Variants in TNS3 observed in about 807,000 individuals in gnomAD.
TNS3 encodes tensin-3.
Under a neutral mutation model 140.9 loss-of-function variants are expected in TNS3, and 45 were observed. That is an observed-to-expected ratio of 0.32 (90% CI 0.25 to 0.41). The LOEUF (loss-of-function observed/expected upper bound fraction) is 0.41. Ranked by LOEUF, TNS3 falls within the 10% of genes least tolerant of loss-of-function variation. TNS3 has a pLI of 1.00. For missense variants in TNS3, 1,716 were observed against 1,906.7 expected (o/e 0.90, Z 1.86); for synonymous variants, 815 against 788.4 (o/e 1.03, Z -0.56).
chr7:47,387,405 G>C (rs781336438), intron 16 of TNS3, among the ~76,000 whole-genome samples: 1 of 152,180 alleles, frequency 6.6e-6, no homozygotes, highest in African/African-American at 2.4e-5. Flanking sequence ...CACCAAGAAC[G>C]TCACTCTAAA....
chr7:47,452,853 A>AGAG (rs1796078243), intron 4 of TNS3: 2 of 909,180 alleles, frequency 2.2e-6, no homozygotes, highest in Non-Finnish European at 2.6e-6. Context: ...CGGAGGCCAC[A>AGAG]GAGGAGGGTG....
rs368950838 is a variant in TNS3, at chr7:47,476,420, C to G, written c.-76+4683G>C. ...AGGCTGTGACTCCCCTGTAAGGAGCCCGGCCACCTCTCCCAGCCTTAGGGA... is the reference window on the plus strand; with the variant it reads ...AGGCTGTGACTCCCCTGTAAGGAGCGCGGCCACCTCTCCCAGCCTTAGGGA... On this transcript the variant is annotated intron_variant, in intron 4 of 30. Transcript: ENST00000311160. 1.1e-3 allele frequency among the ~76,000 whole-genome samples: 160 copies of G among 152,294 alleles called. No individual in the cohort carries two copies. The South Asian group carries it at 0.024, about 23-fold the overall frequency.
chr7:47,501,115 G>A (rs1006952623), intron 3 of TNS3, among the ~76,000 whole-genome samples: 1 of 139,980 alleles, frequency 7.1e-6, no homozygotes, highest in African/African-American at 2.7e-5. Context: ...AAGGGAGAAA[G>A]GGAGAAGAGG....
chr7:47,412,421 C>G (rs1349886173), intron 12 of TNS3, among the ~76,000 whole-genome samples: 1 of 152,066 alleles, frequency 6.6e-6, no homozygotes, highest in Non-Finnish European at 1.5e-5. Flanking sequence ...GAGTTTGAGA[C>G]CAGCCTGGCT....
rs759061602 is a variant in TNS3 at position 47,345,009 on chromosome 7, G to A, written c.2481C>T (p.Leu827=). The change falls in exon 19 of 31, where the codon CTC becomes CTT. Residue 827 remains leucine (L), a synonymous_variant. Coordinates refer to ENST00000311160, the MANE Select transcript of TNS3 (RefSeq NM_022748.12). The part of the protein sequence containing the change: ...ETMTPGYPQD[L]DIIDGRILSS... ...TTAAAATTCTGCCATCGATAATATC[G>A]AGGTCCTGGGGATAGCCAGGGGTCA... 4.3e-6 allele frequency: 7 copies of A among 1,614,060 alleles called. No homozygotes were observed. The highest frequency in any genetic ancestry group is 3.3e-5 in the Admixed American group (2 of 60,014).
At chr7:47,359,363 G>C (rs1176534295) in intron 17 of TNS3, among the ~76,000 whole-genome samples, 2 of 152,208 alleles carry the variant, frequency 1.3e-5, no homozygotes, top group African/African-American at 4.8e-5. Context: ...GACAGGAGGG[G>C]ATGAGTGAGT....
intron 1 of TNS3, chr7:47,579,805 G>T: frequency 1.0e-6 from 1 of 983,616 alleles, no homozygotes; most frequent in South Asian, 4.7e-5. Flanking sequence ...TATAAGCTGC[G>T]ACTGCCAAAT....
chr7:47,546,001 TG>T (rs1799910019), intron 1 of TNS3, among the ~76,000 whole-genome samples: 2 of 152,098 alleles, frequency 1.3e-5, no homozygotes, highest in Non-Finnish European at 2.9e-5. Flanking sequence ...GATTTGTAGT[TG>T]GGTTAAGAAG....
chr7:47,539,528 C>T, intron 1 of TNS3: 1 of 246,144 alleles, frequency 4.1e-6, no homozygotes, highest in Non-Finnish European at 8.0e-6. Context: ...AATCTAGGCT[C>T]TTACACTCCA....
At chr7:47,433,809 C>A (rs913656702) in intron 8 of TNS3, among the ~76,000 whole-genome samples, 1 of 152,134 alleles carries the variant, frequency 6.6e-6, no homozygotes, top group African/African-American at 2.4e-5. Flanking sequence ...GTGTCAAAAT[C>A]ACCACACCAA....
At chr7:47,466,520 C>T (rs1796723561) in intron 4 of TNS3, among the ~76,000 whole-genome samples, 1 of 152,214 alleles carries the variant, frequency 6.6e-6, no homozygotes, top group Non-Finnish European at 1.5e-5. Flanking sequence ...AGTAGAATTC[C>T]CTCTGCCCTG....
chr7:47,344,626 A>T (rs1024796122), intron 20 of TNS3, 129 bp downstream of exon 20: 126 of 895,256 alleles, frequency 1.4e-4, no homozygotes, highest in Non-Finnish European at 2.1e-4. Flanking sequence ...ATCCATCCTC[A>T]TCCAAGGCTT....
At chr7:47,576,481 C>G (rs1487665648) in intron 1 of TNS3, among the ~76,000 whole-genome samples, 1 of 152,236 alleles carries the variant, frequency 6.6e-6, no homozygotes, top group Non-Finnish European at 1.5e-5. Flanking sequence ...TATGTCACTG[C>G]CTCCTGTGCG....
At position 47,302,195 on chromosome 7, in the gene TNS3, T is replaced by C. The variant is rs1271394668; in HGVS notation, c.3535A>G (p.Arg1179Gly). Residue 1179 changes from arginine to glycine, a missense_variant, in exon 23 of 31, where the codon AGA becomes GGA. This residue lies in a region of TNS3 where 1,163 missense variants were observed against 1,182.1 expected (regional missense o/e 0.98). Transcript: ENST00000311160. ...SKFWYKADIS[R>G]EQAIAMLKDK... ...CATCCTCCCCACATACCTTGTTCTC[T>C]TGAAATATCCGCCTTGTACCAGAAC... is the stretch of plus-strand genomic sequence containing the variant. 6.2e-7 allele frequency: 1 copy of C among 1,614,174 alleles called. No homozygotes were observed. Among genetic ancestry groups the C allele is most frequent in the Non-Finnish European group, 8.5e-7 (1 of 1,179,962 alleles).
rs186344452 is a variant in TNS3 at position 47,391,574 on chromosome 7, C to T, written c.1024+5226G>A. ...CAATGGGGAGTGTGGCCACTGACAC[C>T]GACGCTCCAGAGATGTCCAGCGAGG... On this transcript the variant is annotated intron_variant, in intron 16 of 30. Coordinates refer to ENST00000311160, the MANE Select transcript of TNS3 (RefSeq NM_022748.12). Among the ~76,000 whole-genome samples the T allele has an allele frequency of 3.1e-3, 470 of 152,236 alleles. 3 individuals are homozygous for T. Among genetic ancestry groups the T allele is most frequent in the African/African-American group, 0.01 (429 of 41,532 alleles).
intron 3 of TNS3, among the ~76,000 whole-genome samples, chr7:47,504,062 G>C (rs570376178): frequency 2.0e-4 from 30 of 152,264 alleles, no homozygotes; most frequent in African/African-American, 7.2e-4. Flanking sequence ...CCATAGCAAG[G>C]GGGACTAGAA....
intron 10 of TNS3, among the ~76,000 whole-genome samples, chr7:47,418,424 T>C (rs896491913): frequency 3.3e-5 from 5 of 152,224 alleles, no homozygotes; most frequent in Non-Finnish European, 5.9e-5. Flanking sequence ...TCTGTGGCAT[T>C]AAAGGTAGAT....
chr7:47,296,643 G>T (rs1385824269), intron 24 of TNS3, among the ~76,000 whole-genome samples: 1 of 152,128 alleles, frequency 6.6e-6, no homozygotes, highest in Non-Finnish European at 1.5e-5. Flanking sequence ...GCCCTACTGG[G>T]TATAGATACA....
chr7:47,521,772 A>G (rs1482710064), intron 2 of TNS3, among the ~76,000 whole-genome samples: 1 of 152,108 alleles, frequency 6.6e-6, no homozygotes, highest in Non-Finnish European at 1.5e-5. Context: ...GAGAGACCAA[A>G]TAAGGCAGGC....
Sources: gnomAD v4.1 joint callset for allele counts (sites outside exome capture counted in the v4.1 genomes callset) on GRCh38, gnomAD v4.1.1 for gene constraint, gnomAD v4.1.1 regional missense constraint, MANE v1.5 for transcripts, NCBI Gene and HGNC (gene_info 2026-07-23, HGNC 2026-07-21) for gene names.